The following CSMD1 variants were observed in gnomAD, a reference collection of about 807,000 sequenced individuals.
CSMD1 encodes the protein CUB and Sushi multiple domains 1.
In CSMD1, 213 loss-of-function variants were observed where a neutral mutation model predicts 417.5. The observed-to-expected ratio is 0.51, with a 90% CI of 0.46 to 0.57. CSMD1 has a LOEUF of 0.57. CSMD1 is among the 20% of genes least tolerant of loss of function. The pLI, the probability that CSMD1 is intolerant of heterozygous loss-of-function variation, is 0.00. For missense variants in CSMD1, 6,923 were observed against 4,529.7 expected, an observed-to-expected ratio of 1.53 and a Z score of -15.17; for synonymous variants, 2,862 against 1,736.8, an observed-to-expected ratio of 1.65 and a Z score of -16.11.
chr8:4,285,751 G>A (rs1010743502), intron 3 of CSMD1, among the ~76,000 whole-genome samples: 3 of 152,180 alleles, frequency 2.0e-5, no homozygotes, highest in Non-Finnish European at 4.4e-5. Context: ...GAACTTCAGA[G>A]GTCAAAATAG....
chr8:3,993,432 A>T (rs1461188505), intron 5 of CSMD1, among the ~76,000 whole-genome samples: 2 of 152,200 alleles, frequency 1.3e-5, no homozygotes, highest in African/African-American at 2.4e-5. Context: ...TGGAAGCATT[A>T]ACTGACCCAT....
At chr8:3,241,273 T>G (rs978528392) in intron 26 of CSMD1, among the ~76,000 whole-genome samples, 7 of 150,070 alleles carry the variant, frequency 4.7e-5, no homozygotes, top group Non-Finnish European at 7.4e-5. Context: ...TTGGGGAGTT[T>G]TAAGAGGTTT....
chr8:3,520,648 C>T (rs549963747), intron 10 of CSMD1, among the ~76,000 whole-genome samples: 11 of 152,130 alleles, frequency 7.2e-5, no homozygotes, highest in South Asian at 2.1e-4. Flanking sequence ...CCTGCATCTC[C>T]GGGTCCTCTT....
intron 23 of CSMD1, among the ~76,000 whole-genome samples, chr8:3,330,191 T>A (rs1209475479): frequency 6.6e-6 from 1 of 152,212 alleles, no homozygotes; most frequent in African/African-American, 2.4e-5. Flanking sequence ...ACTATAGCAT[T>A]CTTCATTTCA....
chr8:3,680,201 G>A (rs1042975357), intron 7 of CSMD1, among the ~76,000 whole-genome samples: 2 of 152,042 alleles, frequency 1.3e-5, no homozygotes, highest in Non-Finnish European at 2.9e-5. Flanking sequence ...AGAAATGAAG[G>A]AGATGGAGAT....
At chr8:3,246,191 G>C (rs891242849) in intron 26 of CSMD1, among the ~76,000 whole-genome samples, 2 of 151,964 alleles carry the variant, frequency 1.3e-5, no homozygotes, top group Non-Finnish European at 2.9e-5. Context: ...GGATCTGCTG[G>C]TCCCGTGGGA....
chr8:3,265,741 T>G (rs1801385690), intron 26 of CSMD1, among the ~76,000 whole-genome samples: 1 of 152,148 alleles, frequency 6.6e-6, no homozygotes, highest in Non-Finnish European at 1.5e-5. Context: ...CTTTTACCTT[T>G]CCTTCTGCCA....
chr8:3,397,674 G>C (rs1392815779), intron 16 of CSMD1, among the ~76,000 whole-genome samples: 2 of 152,154 alleles, frequency 1.3e-5, no homozygotes, highest in African/African-American at 4.8e-5. Flanking sequence ...AAGCGTGAAA[G>C]CAATCTCCTT....
chr8:3,531,623 T>C (rs1354355781), intron 10 of CSMD1, among the ~76,000 whole-genome samples: 1 of 152,172 alleles, frequency 6.6e-6, no homozygotes, highest in African/African-American at 2.4e-5. Flanking sequence ...CTCCAGGTTA[T>C]GTGTTAGCAT....
At chr8:4,691,842 G>A (rs185288344) in intron 1 of CSMD1, among the ~76,000 whole-genome samples, 6 of 152,302 alleles carry the variant, frequency 3.9e-5, no homozygotes, top group African/African-American at 1.2e-4. Context: ...GTTTTAATGG[G>A]CCAGTGTTTT....
chr8:3,986,308 T>G (rs1814316874), intron 5 of CSMD1, among the ~76,000 whole-genome samples: 1 of 152,148 alleles, frequency 6.6e-6, no homozygotes, highest in Non-Finnish European at 1.5e-5. Context: ...TTCTAAAAGC[T>G]CAGTGAAAAC....
intron 3 of CSMD1, among the ~76,000 whole-genome samples, chr8:4,402,793 CTTTTT>C: frequency 7.5e-6 from 1 of 133,244 alleles, no homozygotes; most frequent in Non-Finnish European, 1.6e-5. Flanking sequence ...AATGTCCTCA[CTTTTT>C]TCTTTTTTTT....
chr8:4,101,074 G>A (rs953379101), intron 3 of CSMD1, among the ~76,000 whole-genome samples: 5 of 152,146 alleles, frequency 3.3e-5, no homozygotes, highest in Middle Eastern at 3.2e-3. Context: ...ACGAGACGGC[G>A]CTGGGTTCAG....
At chr8:3,623,070 G>C (rs1268071856) in intron 7 of CSMD1, among the ~76,000 whole-genome samples, 2 of 152,084 alleles carry the variant, frequency 1.3e-5, no homozygotes, top group Non-Finnish European at 2.9e-5. Context: ...CAATAGATTG[G>C]TTCATTACAC....
At chr8:3,853,256 C>G (rs945531856) in intron 5 of CSMD1, among the ~76,000 whole-genome samples, 2 of 152,154 alleles carry the variant, frequency 1.3e-5, no homozygotes, top group African/African-American at 4.8e-5. Context: ...TCCTGAGGCT[C>G]AGGAGAAAGC....
chr8:4,475,639 C>T (rs796889422), intron 2 of CSMD1, among the ~76,000 whole-genome samples: 9 of 151,794 alleles, frequency 5.9e-5, no homozygotes, highest in African/African-American at 1.2e-4. Context: ...TTCTTCGAGA[C>T]GGAGTCGCCC....
At chr8:3,731,501 T>C (rs1796258755) in intron 6 of CSMD1, among the ~76,000 whole-genome samples, 1 of 152,146 alleles carries the variant, frequency 6.6e-6, no homozygotes, top group African/African-American at 2.4e-5. Context: ...TGTTGGACAA[T>C]TCATGGATAA....
chr8:4,117,687 C>G (rs1032066653), intron 3 of CSMD1, among the ~76,000 whole-genome samples: 1 of 152,284 alleles, frequency 6.6e-6, no homozygotes, highest in East Asian at 1.9e-4. Context: ...ATACCTGACA[C>G]TGGCCTTCTC....
intron 2 of CSMD1, among the ~76,000 whole-genome samples, chr8:4,606,735 C>A (rs2130779867): frequency 6.6e-6 from 1 of 152,196 alleles, no homozygotes; most frequent in South Asian, 2.1e-4. Flanking sequence ...AGACCTTTTT[C>A]TAATAAAGAC....
Sources: allele counts gnomAD v4.1 joint callset (sites outside exome capture counted in the v4.1 genomes callset), GRCh38; gene constraint gnomAD v4.1.1; transcripts MANE v1.5; gene names NCBI Gene and HGNC (gene_info 2026-07-23, HGNC 2026-07-21).